Variants in TMEM178B observed in about 807,000 individuals in gnomAD.
The protein encoded by TMEM178B is transmembrane protein 178B.
A neutral mutation model predicts 31.0 loss-of-function variants in TMEM178B; 5 were observed. The ratio of observed to expected loss-of-function variants is 0.16; its 90% CI spans 0.08 to 0.34. The LOEUF is 0.34. Ranked by LOEUF, TMEM178B falls within the 10% of genes least tolerant of loss-of-function variation. The pLI is 1.00. For missense variants in TMEM178B, 275 were observed against 400.3 expected, an observed-to-expected ratio of 0.69 and a Z score of 2.67; for synonymous variants, 164 against 164.0, an observed-to-expected ratio of 1.00 and a Z score of 0.00.
intron 2 of TMEM178B, among the ~76,000 whole-genome samples, chr7:141,281,288 C>A (rs1798354996): frequency 6.6e-6 from 1 of 152,012 alleles, no homozygotes; most frequent in African/African-American, 2.4e-5. Flanking sequence ...TCTTCTGGTG[C>A]CATCAGTGAG....
At chr7:141,144,316 G>T (rs1795818935) in intron 1 of TMEM178B, among the ~76,000 whole-genome samples, 1 of 152,158 alleles carries the variant, frequency 6.6e-6, no homozygotes, top group Non-Finnish European at 1.5e-5. Context: ...CTTTCTGTAG[G>T]TGAGATATCT....
intron 1 of TMEM178B, among the ~76,000 whole-genome samples, chr7:141,187,047 C>T (rs1260410606): frequency 6.6e-6 from 1 of 150,578 alleles, no homozygotes; most frequent in African/African-American, 2.4e-5. Flanking sequence ...CACATTAACT[C>T]GTCATTTAGC....
At chr7:141,426,508 G>A (rs1586952266) in intron 2 of TMEM178B, among the ~76,000 whole-genome samples, 1 of 152,302 alleles carries the variant, frequency 6.6e-6, no homozygotes, top group African/African-American at 2.4e-5. Flanking sequence ...ACTCTGCAAG[G>A]ATGATGAGAA....
At chr7:141,079,587 A>G (rs1021520893) in intron 1 of TMEM178B, among the ~76,000 whole-genome samples, 1 of 152,210 alleles carries the variant, frequency 6.6e-6, no homozygotes, top group Non-Finnish European at 1.5e-5. Context: ...GCTTTAGTTC[A>G]TGGTCAATTA....
intron 2 of TMEM178B, among the ~76,000 whole-genome samples, chr7:141,285,401 A>G (rs1296684341): frequency 3.3e-5 from 5 of 150,680 alleles, no homozygotes; most frequent in African/African-American, 1.2e-4. Context: ...CTCATGATCC[A>G]CCTGCCTCGG....
chr7:141,412,514 T>C (rs549691620), intron 2 of TMEM178B, among the ~76,000 whole-genome samples: 325 of 152,286 alleles, frequency 2.1e-3, no homozygotes, highest in Non-Finnish European at 3.6e-3. Flanking sequence ...CCAGCCTGAA[T>C]TGGTTGACAA....
At chr7:141,189,096 C>T (rs998415235) in intron 1 of TMEM178B, among the ~76,000 whole-genome samples, 2 of 152,202 alleles carry the variant, frequency 1.3e-5, no homozygotes, top group African/African-American at 4.8e-5. Context: ...TTTCAGACAG[C>T]TGTGGTACCT....
At chr7:141,297,067 AC>A (rs1374336375) in intron 2 of TMEM178B, 2 of 152,210 alleles carry the variant, frequency 1.3e-5, no homozygotes, top group South Asian at 4.1e-4. Context: ...AAAAGAAATA[AC>A]CACCATTGTT....
intron 2 of TMEM178B, among the ~76,000 whole-genome samples, chr7:141,291,608 A>G (rs1798546987): frequency 2.0e-5 from 3 of 152,164 alleles, no homozygotes; most frequent in Non-Finnish European, 2.9e-5. Context: ...GGGAGGTGGT[A>G]AAAGAGGTGA....
intron 2 of TMEM178B, among the ~76,000 whole-genome samples, chr7:141,385,905 G>A (rs1182734169): frequency 6.6e-6 from 1 of 152,138 alleles, no homozygotes; most frequent in Non-Finnish European, 1.5e-5. Flanking sequence ...TGCTAGTTTG[G>A]CCCCACCTGG....
chr7:141,167,363 T>G (rs564290451), intron 1 of TMEM178B, among the ~76,000 whole-genome samples: 1 of 152,374 alleles, frequency 6.6e-6, no homozygotes, highest in Non-Finnish European at 1.5e-5. Flanking sequence ...GGACACTCTG[T>G]CTTGCGTATC....
chr7:141,168,192 CTT>C (rs1796292094), intron 1 of TMEM178B, among the ~76,000 whole-genome samples: 3 of 152,152 alleles, frequency 2.0e-5, no homozygotes, highest in African/African-American at 7.2e-5. Flanking sequence ...GGTTGTCTCT[CTT>C]TTCTAATCCA....
At position 141,074,590 on chromosome 7, in the gene TMEM178B, G is replaced by T; in HGVS notation, c.280G>T (p.Ala94Ser). 6.5e-7 allele frequency: 1 copy of T among 1,535,856 alleles called. No individual in the cohort carries two copies. Among genetic ancestry groups the T allele is most frequent in the Non-Finnish European group, 8.7e-7 (1 of 1,146,738 alleles). Reference sequence around the variant, plus strand: ...CCGGCAGCTGTTCGCCATGAGCCCCGCGGACGAGTGCAGCCGGCAGTACAA... The same window carrying T: ...CCGGCAGCTGTTCGCCATGAGCCCCTCGGACGAGTGCAGCCGGCAGTACAA... ...NRRQLFAMSPADECSRQYNST... is the reference protein window; with the variant it reads ...NRRQLFAMSPSDECSRQYNST... The change falls in exon 1 of 4, where the codon GCG (alanine) becomes TCG (serine). Residue 94 changes from alanine to serine, a missense_variant. By Grantham distance (99) the Ala-to-Ser change is moderately conservative. Transcript: ENST00000565468. The surrounding 1 kb of genome is among the most constrained non-coding windows in gnomAD (Gnocchi z 5.1).
At chr7:141,158,231 G>C (rs1796107745) in intron 1 of TMEM178B, among the ~76,000 whole-genome samples, 1 of 152,150 alleles carries the variant, frequency 6.6e-6, no homozygotes. Flanking sequence ...AAGTAGACAG[G>C]ATTACAGCCA....
chr7:141,388,056 G>A (rs757803317), intron 2 of TMEM178B, among the ~76,000 whole-genome samples: 1 of 152,186 alleles, frequency 6.6e-6, no homozygotes, highest in African/African-American at 2.4e-5. Flanking sequence ...GTCTTCCTGG[G>A]TGTGAGGTTG....
At chr7:141,313,837 A>G (rs1287970273) in intron 2 of TMEM178B, among the ~76,000 whole-genome samples, 1 of 140,390 alleles carries the variant, frequency 7.1e-6, no homozygotes, top group East Asian at 2.0e-4. Flanking sequence ...GAAGGAGGGC[A>G]TTATTTCAGA....
At chr7:141,096,544 A>G (rs1794963413) in intron 1 of TMEM178B, among the ~76,000 whole-genome samples, 1 of 152,196 alleles carries the variant, frequency 6.6e-6, no homozygotes, top group Non-Finnish European at 1.5e-5. Flanking sequence ...AGTGAACAAG[A>G]AATAATCTTC....
At chr7:141,280,518 G>A (rs193105660) in intron 2 of TMEM178B, among the ~76,000 whole-genome samples, 66 of 152,180 alleles carry the variant, frequency 4.3e-4, no homozygotes, top group South Asian at 1.0e-3. Flanking sequence ...TGTGTGAGAC[G>A]TGCCTTTCAC....
At chr7:141,119,317 A>T (rs1795372187) in intron 1 of TMEM178B, among the ~76,000 whole-genome samples, 1 of 152,164 alleles carries the variant, frequency 6.6e-6, no homozygotes, top group Admixed American at 6.5e-5. Context: ...GGTCTGTCCC[A>T]CTTGGTCCCA....
Sources: gnomAD v4.1 joint callset for allele counts (sites outside exome capture counted in the v4.1 genomes callset) on GRCh38, gnomAD v4.1.1 for gene constraint, Gnocchi (gnomAD v3.1) non-coding constraint, MANE v1.5 for transcripts, NCBI Gene and HGNC (gene_info 2026-07-23, HGNC 2026-07-21) for gene names.